Variants in TTC39B observed in about 807,000 individuals in gnomAD.
TTC39B encodes the protein tetratricopeptide repeat domain 39B.
A neutral mutation model predicts 96.6 loss-of-function variants in TTC39B; 92 were observed. The observed-to-expected ratio is 0.95, with a 90% confidence interval of 0.80 to 1.13. TTC39B has a LOEUF of 1.13. TTC39B is among the 50% of genes most tolerant of loss of function. The pLI is 0.00. For missense variants in TTC39B, 955 were observed against 809.3 expected (o/e 1.18, Z -2.18); for synonymous variants, 367 against 299.4 (o/e 1.23, Z -2.33).
At chr9:15,242,324 G>C (rs1387838874) in intron 2 of TTC39B, among the ~76,000 whole-genome samples, 1 of 152,152 alleles carries the variant, frequency 6.6e-6, no homozygotes, top group Middle Eastern at 3.2e-3. Context: ...GCTCATGCCT[G>C]TAATCCCAGC....
chr9:15,242,676 C>G (rs1033404490), intron 2 of TTC39B, among the ~76,000 whole-genome samples: 4 of 152,104 alleles, frequency 2.6e-5, no homozygotes, highest in African/African-American at 9.7e-5. Context: ...TTGGTTCATC[C>G]TTCTAGACCA....
exon 1 of TTC39B, chr9:15,307,120 C>G (rs1824778731): frequency 6.2e-7 from 1 of 1,610,310 alleles, no homozygotes; most frequent in Non-Finnish European, 8.5e-7. Flanking sequence ...TGCCTAAGAG[C>G]GCCATATTCC....
exon 20 of TTC39B, chr9:15,170,654 C>G (rs1379717427): frequency 1.3e-5 from 2 of 152,084 alleles, no homozygotes; most frequent in Non-Finnish European, 2.9e-5. Context: ...TCGTGACTCC[C>G]AATATGTGGC....
chr9:15,296,962 G>C (rs965440268), intron 1 of TTC39B, among the ~76,000 whole-genome samples: 2 of 152,158 alleles, frequency 1.3e-5, no homozygotes, highest in Admixed American at 1.3e-4. Context: ...AATCTAGCCT[G>C]TGTGACAGAG....
At chr9:15,294,903 G>A (rs911007471) in intron 1 of TTC39B, among the ~76,000 whole-genome samples, 3 of 152,080 alleles carry the variant, frequency 2.0e-5, no homozygotes, top group East Asian at 1.9e-4. Flanking sequence ...TTCTATTATC[G>A]CCATTTCTCT....
chr9:15,166,639 A>C (rs1266789775), exon 20 of TTC39B: 2 of 152,126 alleles, frequency 1.3e-5, no homozygotes, highest in Admixed American at 1.3e-4. Flanking sequence ...AAAATAACTA[A>C]ATCTAACAGC....
At chr9:15,163,900 G>A (rs1225109807) in exon 20 of TTC39B, 1 of 152,122 alleles carries the variant, frequency 6.6e-6, no homozygotes, top group South Asian at 2.1e-4. Flanking sequence ...TCATCATGTT[G>A]AAATTTTAGA....
At chr9:15,284,418 G>T (rs973283609) in intron 1 of TTC39B, among the ~76,000 whole-genome samples, 3 of 152,146 alleles carry the variant, frequency 2.0e-5, no homozygotes, top group Non-Finnish European at 2.9e-5. Flanking sequence ...ACGGTTTCAT[G>T]TACCAAGATT....
chr9:15,205,701 C>A (rs1488902131), intron 6 of TTC39B, among the ~76,000 whole-genome samples: 3 of 152,144 alleles, frequency 2.0e-5, no homozygotes, highest in African/African-American at 7.2e-5. Context: ...TATCCTCTTC[C>A]TAGGTAATTC....
intron 1 of TTC39B, among the ~76,000 whole-genome samples, chr9:15,304,976 C>T (rs1460493733): frequency 2.6e-5 from 4 of 152,116 alleles, no homozygotes; most frequent in Non-Finnish European, 5.9e-5. Context: ...TTTAACTCCC[C>T]CAGAATATCA....
At chr9:15,189,401 T>C (rs115226592) in intron 13 of TTC39B, among the ~76,000 whole-genome samples, 173 bp downstream of exon 13, 4 of 151,422 alleles carry the variant, frequency 2.6e-5, no homozygotes, top group Admixed American at 6.6e-5. Flanking sequence ...TTTTATATAA[T>C]AGAATGTATA....
At chr9:15,233,749 C>G (rs913445523) in intron 2 of TTC39B, among the ~76,000 whole-genome samples, 5 of 152,152 alleles carry the variant, frequency 3.3e-5, no homozygotes, top group Non-Finnish European at 7.4e-5. Flanking sequence ...CCCAAAGAGC[C>G]GAGATTGCAG....
intron 2 of TTC39B, among the ~76,000 whole-genome samples, chr9:15,247,439 A>G (rs1822328581): frequency 6.6e-6 from 1 of 152,178 alleles, no homozygotes; most frequent in East Asian, 1.9e-4. Flanking sequence ...CCTACCCTCA[A>G]TTTTCAAATT....
intron 2 of TTC39B, among the ~76,000 whole-genome samples, chr9:15,245,044 G>A (rs960523205): frequency 1.3e-5 from 2 of 152,106 alleles, no homozygotes; most frequent in African/African-American, 4.8e-5. Flanking sequence ...TATAATTATT[G>A]GTCTACTTTT....
intron 1 of TTC39B, among the ~76,000 whole-genome samples, chr9:15,274,694 C>G (rs1563780758): frequency 6.6e-6 from 1 of 152,160 alleles, no homozygotes; most frequent in Non-Finnish European, 1.5e-5. Flanking sequence ...ATGACCTTCT[C>G]AAATTTCAAG....
chr9:15,305,968 T>A (rs993878854), intron 1 of TTC39B, among the ~76,000 whole-genome samples: 5 of 152,090 alleles, frequency 3.3e-5, no homozygotes, highest in Admixed American at 3.3e-4. Context: ...TGCCCTCTTG[T>A]CTCTCTGTCA....
At chr9:15,182,229 G>A in intron 17 of TTC39B, 78 bp downstream of exon 17, 1 of 865,440 alleles carries the variant, frequency 1.2e-6, no homozygotes, top group Non-Finnish European at 1.8e-6. Context: ...AATGTTGGCA[G>A]ATGTGCACAG....
At chr9:15,209,979 A>G (rs1820099403) in intron 6 of TTC39B, 109 bp downstream of exon 6, 8 of 786,780 alleles carry the variant, frequency 1.0e-5, no homozygotes, top group Non-Finnish European at 1.7e-5. Flanking sequence ...ATGATAGGGA[A>G]GAGAAAAAGA....
chr9:15,246,674 G>A (rs988407562), intron 2 of TTC39B, among the ~76,000 whole-genome samples: 3 of 152,232 alleles, frequency 2.0e-5, no homozygotes, highest in Admixed American at 6.5e-5. Context: ...TTGCTATGCT[G>A]TGAGGAAGCT....
Sources: gnomAD v4.1 joint callset for allele counts (sites outside exome capture counted in the v4.1 genomes callset) on GRCh38, gnomAD v4.1.1 for gene constraint, MANE v1.5 for transcripts, NCBI Gene and HGNC (gene_info 2026-07-23, HGNC 2026-07-21) for gene names.